The following IGHMBP2 variants were observed in gnomAD, a reference collection of about 807,000 sequenced individuals.
The protein encoded by IGHMBP2 is DNA-binding protein SMUBP-2.
A neutral mutation model predicts 96.0 loss-of-function variants in IGHMBP2; 81 were observed. The observed-to-expected ratio is 0.84, with a 90% CI of 0.71 to 1.01. The LOEUF (loss-of-function observed/expected upper bound fraction) is 1.01. Among genes scored for constraint, IGHMBP2 ranks in the 50% least tolerant of loss-of-function variants. The pLI, the probability that IGHMBP2 is intolerant of heterozygous loss-of-function variation, is 0.00. For synonymous variants in IGHMBP2, 557 were observed against 548.9 expected, an observed-to-expected ratio of 1.01 and a Z score of -0.21; for missense variants, 1,227 against 1,306.3, an observed-to-expected ratio of 0.94 and a Z score of 0.94.
intron 11 of IGHMBP2, 47 bp from the exon 12 acceptor site, chr11:68,935,252 C>T (rs764488470): frequency 1.5e-5 from 24 of 1,610,650 alleles, no homozygotes; most frequent in African/African-American, 1.5e-4. Flanking sequence ...GGTCTTGCTG[C>T]GCTGGCATGG....
At position 68,915,282 on chromosome 11, in the gene IGHMBP2, C is replaced by T. The variant is rs183080759; in HGVS notation, c.912+259C>T. ...GCAACCTCTGCCTCCTGGGTTCAAG[C>T]GATTCTCCTGCCTCAGCCTCCCTAG... On this transcript the variant is annotated intron_variant, in intron 6 of 14. Coordinates refer to ENST00000255078, the MANE Select transcript of IGHMBP2 (RefSeq NM_002180.3). 5.5e-3 allele frequency among the ~76,000 whole-genome samples: 792 copies of T among 144,724 alleles called. 5 individuals carry two copies. The highest frequency in any genetic ancestry group is 0.02 in the African/African-American group (756 of 38,234). The allele number at this position is 144,724 out of a possible 152,430, so 94.9% of individuals were successfully genotyped here. A position where few individuals can be genotyped will look rare whatever the true frequency, so the allele number is the denominator to read the frequency against.
intron 12 of IGHMBP2, 22 bp from the exon 13 acceptor site, chr11:68,936,215 A>G (rs1859519878): frequency 1.9e-6 from 3 of 1,612,732 alleles, no homozygotes; most frequent in Non-Finnish European, 2.5e-6. Flanking sequence ...CCTGCTTCTC[A>G]CTCCCCTCTG....
At chr11:68,915,626 G>A (rs1244746587) in intron 6 of IGHMBP2, among the ~76,000 whole-genome samples, 6 of 151,930 alleles carry the variant, frequency 3.9e-5, no homozygotes, top group Non-Finnish European at 2.9e-5. Context: ...AGGACTACAG[G>A]CATGTGCCAC....
intron 6 of IGHMBP2, 143 bp downstream of exon 6, chr11:68,915,166 C>CCTTTTTTTTTTTT (rs1191505010): frequency 1.7e-5 from 3 of 176,576 alleles, no homozygotes; most frequent in African/African-American, 1.7e-4. Context: ...TTGGGCTGCC[C>CCTTTTTTTTTTTT]TTTTTTTTTT....
In IGHMBP2 at chr11:68,911,472, A is replaced by G; in HGVS notation, c.580A>G (p.Thr194Ala). Residue 194 changes from threonine to alanine, a missense_variant, in exon 5 of 15, where the codon ACC (threonine) becomes GCC (alanine). This residue lies in a region of IGHMBP2 where 507 missense variants were observed against 496.9 expected (regional missense o/e 1.02). Coordinates refer to ENST00000255078, the MANE Select transcript of IGHMBP2 (RefSeq NM_002180.3). Reference protein sequence around the residue: ...PLTFFNTCLDTSQKEAVLFAL... With the variant: ...PLTFFNTCLDASQKEAVLFAL... ...GACATTCTTCAACACCTGCCTGGAC[A>G]CCTCCCAGAAAGAAGCGGTTTTATT... is the stretch of plus-strand genomic sequence containing the variant. 6.2e-7 allele frequency: 1 copy of G among 1,613,952 alleles called. No individual in the cohort carries two copies.
chr11:68,906,021 G>A (rs770769976), intron 1 of IGHMBP2, 48 bp from the exon 2 acceptor site: 63 of 1,576,420 alleles, frequency 4.0e-5, no homozygotes, highest in Non-Finnish European at 5.4e-5. Flanking sequence ...GTGGGTGGAA[G>A]TAGAAACTAG....
chr11:68,939,184 T>C (rs1025529406), intron 14 of IGHMBP2, among the ~76,000 whole-genome samples: 1 of 152,010 alleles, frequency 6.6e-6, no homozygotes, highest in African/African-American at 2.4e-5. Context: ...CTGAAGGCAG[T>C]GGGGTACCCT....
intron 2 of IGHMBP2, among the ~76,000 whole-genome samples, chr11:68,907,402 A>G (rs1223370713): frequency 1.3e-5 from 2 of 152,168 alleles, no homozygotes; most frequent in African/African-American, 4.8e-5. Flanking sequence ...TGCTTTGGCT[A>G]AACTTGTGCC....
chr11:68,936,561 G>A lies in IGHMBP2; in HGVS notation c.2081G>A (p.Arg694Gln), dbSNP rs943141487. 2.2e-5 allele frequency: 36 copies of A among 1,611,984 alleles called. No individual in the cohort carries two copies. Among genetic ancestry groups the A allele is most frequent in the Admixed American group, 6.7e-5 (4 of 59,938 alleles). ...GCTGCAGCACCTGCCAGACAGGGCC[G>A]GAAGAAGCCGGCTGGGAAGTCTCTG... ...QEAAAPARQG[R>Q]KKPAGKSLAS... The change falls in exon 13 of 15, where the codon CGG becomes CAG. Residue 694 changes from arginine to glutamine, a missense_variant. Transcript: ENST00000255078.
chr11:68,928,193 T>A (rs753017895), intron 7 of IGHMBP2, among the ~76,000 whole-genome samples: 6 of 152,202 alleles, frequency 3.9e-5, no homozygotes, highest in Non-Finnish European at 8.8e-5. Context: ...CCCCACAAGG[T>A]CAGCTTGTGG....
intron 11 of IGHMBP2, among the ~76,000 whole-genome samples, 171 bp downstream of exon 11, chr11:68,934,729 C>T (rs937320565): frequency 2.0e-5 from 3 of 152,228 alleles, no homozygotes; most frequent in East Asian, 3.9e-4. Flanking sequence ...GGCCCCTCTG[C>T]GTGTTCGTCT....
At chr11:68,917,637 T>C (rs1318638685) in intron 6 of IGHMBP2, 99 bp from the exon 7 acceptor site, 6 of 996,992 alleles carry the variant, frequency 6.0e-6, no homozygotes, top group Non-Finnish European at 7.9e-6. Flanking sequence ...TTACGGAGTT[T>C]ATTGAACTGG....
Position 68,939,733 on chromosome 11 carries a change from C to T in IGHMBP2, c.*2C>T, listed in dbSNP as rs781037102. The T allele has an allele frequency of 3.0e-5, 48 of 1,605,744 alleles. No homozygotes were observed. The highest frequency in any genetic ancestry group is 5.3e-5 in the African/African-American group (4 of 74,874). Reference sequence around the variant, plus strand: ...CGGAGGAAGGAGAGGGGGACGTGACCGGCCGCATCCTTGCACGCCCCGCGG... The same window carrying T: ...CGGAGGAAGGAGAGGGGGACGTGACTGGCCGCATCCTTGCACGCCCCGCGG... On this transcript the variant is annotated 3_prime_UTR_variant, in exon 15 of 15. Coordinates refer to ENST00000255078, the MANE Select transcript of IGHMBP2 (RefSeq NM_002180.3).
chr11:68,904,033 G>A lies in IGHMBP2; in HGVS notation c.81G>A (p.Glu27=), dbSNP rs1393255305. The A allele has an allele frequency of 1.3e-6, 2 of 1,549,334 alleles. No homozygotes were observed. The highest frequency in any genetic ancestry group is 2.0e-5 in the Admixed American group (1 of 50,986). Residue 27 remains glutamate (E), a synonymous_variant, in exon 1 of 15, where the codon GAG becomes GAA. Transcript: ENST00000255078. ...LELERDAEVE[E]RRSWQENISL... is the part of the protein sequence containing the mutation. Reference sequence around the variant, plus strand: ...TTGAGAGAGACGCGGAGGTGGAGGAGCGCAGGTACGGGAGGCCGCCGGCGC... The same window carrying A: ...TTGAGAGAGACGCGGAGGTGGAGGAACGCAGGTACGGGAGGCCGCCGGCGC...
Position 68,908,143 on chromosome 11 carries a change from A to C in IGHMBP2, c.257-2A>C. 6.2e-7 allele frequency: 1 copy of C among 1,613,428 alleles called. No homozygotes were observed. The highest frequency in any genetic ancestry group is 8.5e-7 in the Non-Finnish European group (1 of 1,179,540). On this transcript the variant is annotated splice_acceptor_variant, in intron 2 of 14. Transcript: ENST00000255078. LOFTEE classifies it high-confidence loss of function. The stretch of plus-strand genomic sequence containing the variant: ...TGTGTCACTGAGTCTTTGTTTTTGC[A>C]GGTGATATCGTGGGCCTGTACGATG...
chr11:68,929,504 C>A (rs1859193474), intron 8 of IGHMBP2, 147 bp downstream of exon 8: 2 of 804,336 alleles, frequency 2.5e-6, no homozygotes, highest in Admixed American at 2.7e-5. Context: ...TTACAGCATT[C>A]ATTCATCTCA....
At chr11:68,937,996 C>T in intron 13 of IGHMBP2, 186 bp from the exon 14 acceptor site, 1 of 663,644 alleles carries the variant, frequency 1.5e-6, no homozygotes, top group Non-Finnish European at 2.7e-6. Flanking sequence ...GGGTCTCACT[C>T]TGTCACTATG....
chr11:68,911,592 C>CAAGG lies in IGHMBP2; in HGVS notation c.701_704dup (p.Leu236ArgfsTer25). Reference sequence around the variant, plus strand: ...TGAGATCATTCTTCAAGCTGTGAAACAAGGCTTAAAGGTGGGCAGTGCATG... The same window carrying CAAGG: ...TGAGATCATTCTTCAAGCTGTGAAACAAGGAAGGCTTAAAGGTGGGCAGTGCATG... On this transcript the variant is annotated frameshift_variant, in exon 5 of 15. Transcript: ENST00000255078. LOFTEE classifies it high-confidence loss of function. 1 of 1,614,212 alleles carries CAAGG rather than the reference C, an allele frequency of 6.2e-7. No homozygotes were observed. Among genetic ancestry groups the CAAGG allele is most frequent in the Non-Finnish European group, 8.5e-7 (1 of 1,180,046 alleles).
intron 5 of IGHMBP2, among the ~76,000 whole-genome samples, chr11:68,912,556 T>TG (rs1858481924): frequency 6.6e-6 from 1 of 152,042 alleles, no homozygotes; most frequent in South Asian, 2.1e-4. Flanking sequence ...TAATTATACT[T>TG]TAAGTTCTAG....
Sources: allele counts gnomAD v4.1 joint callset (sites outside exome capture counted in the v4.1 genomes callset), GRCh38; gene constraint gnomAD v4.1.1; regional missense constraint gnomAD v4.1.1; transcripts MANE v1.5; gene names NCBI Gene and HGNC (gene_info 2026-07-23, HGNC 2026-07-21).